RMST: variants seen among roughly 807,000 people sequenced by gnomAD.
The protein encoded by RMST is long intergenic non-protein coding RNA 54.
intron 5 of RMST, among the ~76,000 whole-genome samples, chr12:97,476,655 A>G (rs1874583710): frequency 6.6e-6 from 1 of 152,212 alleles, no homozygotes; most frequent in African/African-American, 2.4e-5. Context: ...TCCTCATGGA[A>G]GAATAGGCAA....
At chr12:97,561,472 C>G (rs1016249676) in intron 13 of RMST, among the ~76,000 whole-genome samples, 3 of 152,038 alleles carry the variant, frequency 2.0e-5, no homozygotes, top group African/African-American at 7.2e-5. Flanking sequence ...AAAAAAAGAA[C>G]GTGTCACATC....
intron 5 of RMST, among the ~76,000 whole-genome samples, chr12:97,491,491 C>A (rs1876807127): frequency 6.6e-6 from 1 of 152,166 alleles, no homozygotes; most frequent in Non-Finnish European, 1.5e-5. Flanking sequence ...ACCTTTTAAC[C>A]CGTTTGTGTG....
chr12:97,550,628 G>C (rs1250573263), intron 11 of RMST, among the ~76,000 whole-genome samples: 1 of 151,904 alleles, frequency 6.6e-6, no homozygotes, highest in African/African-American at 2.4e-5. Context: ...TCCCATTCCT[G>C]GCTCCATAAG....
At chr12:97,517,529 T>C (rs1880058002) in intron 10 of RMST, among the ~76,000 whole-genome samples, 3 of 151,934 alleles carry the variant, frequency 2.0e-5, no homozygotes, top group South Asian at 4.1e-4. Context: ...GAAACACTGC[T>C]TTTTTCATTA....
At chr12:97,494,614 C>T (rs1202867467) in intron 8 of RMST, 2 of 150,454 alleles carry the variant, frequency 1.3e-5, no homozygotes, top group Admixed American at 6.7e-5. Context: ...AATATAAAAA[C>T]CTCAGTATTT....
chr12:97,517,820 G>C (rs1303629748), intron 10 of RMST, among the ~76,000 whole-genome samples: 1 of 151,816 alleles, frequency 6.6e-6, no homozygotes, highest in Non-Finnish European at 1.5e-5. Context: ...ACTTTTCTAA[G>C]CTAGACTATA....
intron 10 of RMST, among the ~76,000 whole-genome samples, chr12:97,526,199 C>T (rs796970630): frequency 4.6e-5 from 7 of 152,204 alleles, no homozygotes; most frequent in Admixed American, 1.3e-4. Context: ...ACCCCACTTC[C>T]GGTCCATGGA....
At chr12:97,541,839 CAAT>C (rs1306109426) in intron 11 of RMST, among the ~76,000 whole-genome samples, 1 of 151,546 alleles carries the variant, frequency 6.6e-6, no homozygotes, top group Non-Finnish European at 1.5e-5. Context: ...ACTGATTTAA[CAAT>C]TATCTTAAAA....
At chr12:97,474,624 CAAAAAA>C (rs34888626) in intron 5 of RMST, among the ~76,000 whole-genome samples, 1 of 55,800 alleles carries the variant, frequency 1.8e-5, no homozygotes, top group Non-Finnish European at 3.3e-5. Flanking sequence ...AAAAAGAAGC[CAAAAAA>C]AAAAAAAAAA....
rs566722201 is a variant in RMST at position 97,476,439 on chromosome 12, C to T, written n.644+10712C>T. 2.0e-5 allele frequency among the ~76,000 whole-genome samples: 3 copies of T among 152,236 alleles called. No homozygotes were observed. The South Asian group carries it at 6.2e-4, about 32-fold the overall frequency. On this transcript the variant is annotated intron_variant and non_coding_transcript_variant, in intron 5 of 13. Coordinates refer to ENST00000640149, the Ensembl canonical transcript of RMST. ...GCACAGTCCCTCTGGTTAAGAATAA[C>T]ATGTCAGTTTTCTTCTCTTGCTTTT...
chr12:97,551,209 T>C (rs1015230653), intron 11 of RMST, among the ~76,000 whole-genome samples: 2 of 151,942 alleles, frequency 1.3e-5, no homozygotes, highest in African/African-American at 4.8e-5. Context: ...TCTGTTTCAT[T>C]TTCCACTAAA....
chr12:97,494,620 T>G (rs1877210149), intron 8 of RMST: 1 of 150,216 alleles, frequency 6.7e-6, no homozygotes, highest in African/African-American at 2.4e-5. Context: ...AAAACCTCAG[T>G]ATTTTTTTTT....
chr12:97,534,343 T>G (rs1881903512), intron 11 of RMST, among the ~76,000 whole-genome samples: 1 of 151,818 alleles, frequency 6.6e-6, no homozygotes, highest in South Asian at 2.1e-4. Flanking sequence ...GGACATAATT[T>G]AATTATCTTC....
chr12:97,558,228 C>T (rs543180358), intron 11 of RMST, among the ~76,000 whole-genome samples: 2 of 152,250 alleles, frequency 1.3e-5, no homozygotes, highest in South Asian at 2.1e-4. Flanking sequence ...TGTTCTCCTT[C>T]GTCATGGAGT....
intron 10 of RMST, among the ~76,000 whole-genome samples, chr12:97,528,766 T>C (rs1881360022): frequency 6.6e-6 from 1 of 152,080 alleles, no homozygotes. Context: ...GAGGATGATA[T>C]ATGCAAGGTA....
At chr12:97,510,858 CT>C (rs949606415) in intron 10 of RMST, among the ~76,000 whole-genome samples, 113 of 147,092 alleles carry the variant, frequency 7.7e-4, no homozygotes, top group Middle Eastern at 3.5e-3. Context: ...TTTCCAGTCA[CT>C]TTTTTTTTTT....
intron 11 of RMST, among the ~76,000 whole-genome samples, chr12:97,547,344 A>C (rs1419101127): frequency 6.6e-6 from 1 of 152,024 alleles, no homozygotes; most frequent in Admixed American, 6.6e-5. Context: ...TACAATGAAC[A>C]TGGGAATGCA....
intron 10 of RMST, among the ~76,000 whole-genome samples, chr12:97,510,973 T>G (rs1266579720): frequency 2.0e-5 from 3 of 152,164 alleles, no homozygotes; most frequent in Non-Finnish European, 4.4e-5. Context: ...TTTTATTGTT[T>G]TTCACTTCAT....
In RMST at chr12:97,517,746, T is replaced by C. The variant is rs901628423; in HGVS notation, n.1341-12909T>C. Among the ~76,000 whole-genome samples the C allele has an allele frequency of 5.3e-5, 8 of 152,210 alleles. No homozygotes were observed. The East Asian group carries it at 1.2e-3, about 22-fold the overall frequency. ...CTTTTTTTCTGTAAATTAATAATTA[T>C]ATGAACATCTGTGTATGTGTCTCTG... On this transcript the variant is annotated intron_variant and non_coding_transcript_variant, in intron 10 of 13. Transcript: ENST00000640149.
Sources: gnomAD v4.1 joint callset for allele counts (sites outside exome capture counted in the v4.1 genomes callset) on GRCh38, gnomAD v4.1.1 for gene constraint, MANE v1.5 for transcripts, NCBI Gene and HGNC (gene_info 2026-07-23, HGNC 2026-07-21) for gene names.